PRR16: variants seen among roughly 807,000 people sequenced by gnomAD.
The protein encoded by PRR16 is protein Largen.
PRR16 carries 6 observed loss-of-function variants against 18.2 expected under a neutral mutation model. The ratio of observed to expected loss-of-function variants is 0.33; its 90% CI spans 0.18 to 0.65. PRR16 has a LOEUF of 0.65. Among genes scored for constraint, PRR16 ranks in the 30% least tolerant of loss-of-function variants. PRR16 has a pLI of 0.74. For synonymous variants in PRR16, 151 were observed against 147.8 expected, an observed-to-expected ratio of 1.02 and a Z score of -0.16; for missense variants, 412 against 376.6, an observed-to-expected ratio of 1.09 and a Z score of -0.78.
chr5:120,644,735 T>C (rs1755535082), intron 1 of PRR16, among the ~76,000 whole-genome samples: 1 of 152,164 alleles, frequency 6.6e-6, no homozygotes, highest in Admixed American at 6.6e-5. Flanking sequence ...AGTTCCCTTC[T>C]TAGAATAATG....
In PRR16 at chr5:120,550,257, G is replaced by C. The variant is rs553249505; in HGVS notation, c.159+85612G>C. On this transcript the variant is annotated intron_variant, in intron 1 of 1. Coordinates refer to ENST00000407149, the MANE Select transcript of PRR16 (RefSeq NM_001300783.2). ...TCCCAACATTTTTTGAGAAATAATG[G>C]ATGTGCATGTTGGGTTTGAATAGCT... Among the ~76,000 whole-genome samples the C allele has an allele frequency of 4.5e-4, 68 of 152,110 alleles. 1 individual carries two copies. The highest frequency in any genetic ancestry group is 6.8e-3 in the Middle Eastern group (2 of 294).
chr5:120,778,047 CTA>C, the PRR16 span, among the ~76,000 whole-genome samples: 1 of 151,972 alleles, frequency 6.6e-6, no homozygotes, highest in African/African-American at 2.4e-5. Context: ...ATTAATAACA[CTA>C]TGTTATTAAA....
chr5:120,557,866 G>C (rs376160475), intron 1 of PRR16, among the ~76,000 whole-genome samples: 7 of 151,908 alleles, frequency 4.6e-5, no homozygotes, highest in African/African-American at 1.7e-4. Context: ...CATGCTACTT[G>C]GAACCTCATA....
chr5:120,585,029 G>A (rs1226225265), intron 1 of PRR16, among the ~76,000 whole-genome samples: 1 of 152,044 alleles, frequency 6.6e-6, no homozygotes, highest in African/African-American at 2.4e-5. Flanking sequence ...TCTCTCGAAA[G>A]TACTCTTTCA....
At chr5:120,489,523 C>T (rs1023382121) in intron 1 of PRR16, among the ~76,000 whole-genome samples, 6 of 152,096 alleles carry the variant, frequency 3.9e-5, no homozygotes, top group Admixed American at 3.3e-4. Context: ...TCCTCCATCC[C>T]TTTATTTTGA....
the PRR16 span, among the ~76,000 whole-genome samples, chr5:120,793,095 C>T: frequency 7.2e-5 from 11 of 152,090 alleles, no homozygotes; most frequent in South Asian, 6.2e-4. Flanking sequence ...GAGTTTGCAG[C>T]GAACCAAGAT....
At chr5:120,671,655 A>G (rs72794351) in intron 1 of PRR16, among the ~76,000 whole-genome samples, 16,236 of 152,204 alleles carry the variant, frequency 0.11, 1,134 homozygotes, top group Non-Finnish European at 0.14. Context: ...TCTGAGATGT[A>G]AAAAGTAAAA....
intron 1 of PRR16, among the ~76,000 whole-genome samples, chr5:120,525,477 T>C (rs140472159): frequency 6.6e-6 from 1 of 152,166 alleles, no homozygotes; most frequent in African/African-American, 2.4e-5. Flanking sequence ...ATCTGGAACA[T>C]AGCTTACTAT....
At chr5:120,487,859 C>G (rs1038345494) in intron 1 of PRR16, among the ~76,000 whole-genome samples, 6 of 151,468 alleles carry the variant, frequency 4.0e-5, no homozygotes, top group Admixed American at 6.6e-5. Context: ...TAGCATGAAG[C>G]GTTGTTGAAT....
intron 1 of PRR16, among the ~76,000 whole-genome samples, chr5:120,530,277 ATATATATTTATT>A (rs1372499703): frequency 2.6e-4 from 33 of 126,222 alleles, no homozygotes; most frequent in African/African-American, 7.5e-4. Context: ...ATATATATAT[ATATATATTTATT>A]TATTTATTTA....
rs112079092 is a variant in PRR16 at position 120,676,248 on chromosome 5, C to T, written c.160-9706C>T. 4.6e-3 allele frequency among the ~76,000 whole-genome samples: 695 copies of T among 152,224 alleles called. 1 individual carries two copies. Among genetic ancestry groups the T allele is most frequent in the African/African-American group, 0.016 (670 of 41,544 alleles). On this transcript the variant is annotated intron_variant, in intron 1 of 1. Coordinates refer to ENST00000407149, the MANE Select transcript of PRR16 (RefSeq NM_001300783.2). ...TACATTCCCCAGTATCCATGTATCACGATGACTTTATTTTGACTGGTGAGA... is the reference window on the plus strand; with the variant it reads ...TACATTCCCCAGTATCCATGTATCATGATGACTTTATTTTGACTGGTGAGA...
At chr5:120,704,769 T>C in the PRR16 span, among the ~76,000 whole-genome samples, 1 of 152,110 alleles carries the variant, frequency 6.6e-6, no homozygotes, top group Non-Finnish European at 1.5e-5. Flanking sequence ...AATAATTAAA[T>C]AATACAATAC....
At chr5:120,494,313 G>T (rs75415007) in intron 1 of PRR16, among the ~76,000 whole-genome samples, 4 of 152,086 alleles carry the variant, frequency 2.6e-5, no homozygotes, top group Admixed American at 2.0e-4. Context: ...CTTATATGCT[G>T]TACACATAGC....
intron 1 of PRR16, among the ~76,000 whole-genome samples, chr5:120,471,331 G>A (rs1305434187): frequency 6.6e-6 from 1 of 152,092 alleles, no homozygotes; most frequent in African/African-American, 2.4e-5. Context: ...GAAGCTCGTT[G>A]ATACTTAGCA....
intron 1 of PRR16, among the ~76,000 whole-genome samples, chr5:120,536,793 T>C (rs1370744157): frequency 1.3e-5 from 2 of 152,240 alleles, no homozygotes; most frequent in East Asian, 1.9e-4. Context: ...ATTAGCACTG[T>C]AATGTGATTG....
intron 1 of PRR16, among the ~76,000 whole-genome samples, chr5:120,613,883 A>G (rs73786568): frequency 0.011 from 1,698 of 152,306 alleles, 49 homozygotes; most frequent in African/African-American, 0.039. Context: ...TAGGCAATAA[A>G]CAAATTTCCT....
At chr5:120,740,594 A>G in the PRR16 span, among the ~76,000 whole-genome samples, 1 of 152,150 alleles carries the variant, frequency 6.6e-6, no homozygotes, top group African/African-American at 2.4e-5. Flanking sequence ...TTGTATGACT[A>G]TATCAATACC....
At chr5:120,525,918 A>G (rs528517836) in intron 1 of PRR16, among the ~76,000 whole-genome samples, 3 of 152,230 alleles carry the variant, frequency 2.0e-5, no homozygotes, top group Non-Finnish European at 2.9e-5. Context: ...CAACAATTAA[A>G]AAGAAGAAAC....
At chr5:120,668,514 T>G (rs1385104628) in intron 1 of PRR16, among the ~76,000 whole-genome samples, 1 of 152,094 alleles carries the variant, frequency 6.6e-6, no homozygotes, top group Admixed American at 6.6e-5. Flanking sequence ...TAACTGGTTA[T>G]TTTGCTCGTT....
Sources: gnomAD v4.1 joint callset for allele counts (sites outside exome capture counted in the v4.1 genomes callset) on GRCh38, gnomAD v4.1.1 for gene constraint, MANE v1.5 for transcripts, NCBI Gene and HGNC (gene_info 2026-07-23, HGNC 2026-07-21) for gene names.